Variants in PREP observed in about 807,000 individuals in gnomAD.
PREP encodes the protein dJ355L5.1 (prolyl endopeptidase).
In PREP, 29 loss-of-function variants were observed where a neutral mutation model predicts 87.6. The ratio of observed to expected loss-of-function variants is 0.33; its 90% CI spans 0.25 to 0.45. The LOEUF is 0.45. Ranked by LOEUF, PREP falls within the 20% of genes least tolerant of loss-of-function variation. PREP has a pLI of 1.00. For missense variants in PREP, 695 were observed against 886.5 expected (o/e 0.78, Z 2.74); for synonymous variants, 337 against 328.6 (o/e 1.03, Z -0.28).
At chr6:105,283,563 G>GAA (rs1231333242) in intron 12 of PREP, among the ~76,000 whole-genome samples, 2 of 152,194 alleles carry the variant, frequency 1.3e-5, no homozygotes, top group Non-Finnish European at 2.9e-5. Flanking sequence ...AGTGAATTTA[G>GAA]AACAGCTAGG....
intron 10 of PREP, among the ~76,000 whole-genome samples, chr6:105,292,138 T>C (rs2114618668): frequency 6.6e-6 from 1 of 152,326 alleles, no homozygotes; most frequent in South Asian, 2.1e-4. Context: ...TTAATGCAGA[T>C]ATTCTGACCT....
chr6:105,356,924 C>T (rs1772114639), intron 6 of PREP, among the ~76,000 whole-genome samples: 1 of 152,124 alleles, frequency 6.6e-6, no homozygotes, highest in Non-Finnish European at 1.5e-5. Flanking sequence ...ATTCCATATC[C>T]ACTAATTTTT....
intron 10 of PREP, among the ~76,000 whole-genome samples, chr6:105,306,953 T>C (rs1413634741): frequency 1.3e-5 from 2 of 152,250 alleles, no homozygotes; most frequent in Non-Finnish European, 2.9e-5. Flanking sequence ...CCTTTGCTTT[T>C]GTACAAGCTA....
intron 2 of PREP, among the ~76,000 whole-genome samples, chr6:105,393,949 T>G (rs1002969161): frequency 1.3e-5 from 2 of 152,122 alleles, no homozygotes; most frequent in Non-Finnish European, 2.9e-5. Flanking sequence ...ACTAAGTGTT[T>G]GAAATCCAGC....
At chr6:105,291,607 A>G (rs1357535114) in intron 10 of PREP, among the ~76,000 whole-genome samples, 1 of 152,128 alleles carries the variant, frequency 6.6e-6, no homozygotes, top group Non-Finnish European at 1.5e-5. Flanking sequence ...GCCCTCAAAC[A>G]TCGGACTCCA....
chr6:105,288,674 A>G, intron 11 of PREP, 84 bp downstream of exon 11: 1 of 1,528,754 alleles, frequency 6.5e-7, no homozygotes, highest in Non-Finnish European at 8.9e-7. Flanking sequence ...TATTTTAGAA[A>G]GTTGATTTAG....
chr6:105,382,916 T>C (rs1159135433), intron 2 of PREP, among the ~76,000 whole-genome samples: 1 of 152,226 alleles, frequency 6.6e-6, no homozygotes, highest in Non-Finnish European at 1.5e-5. Context: ...GTTAAGCAAC[T>C]ATCAGGGGCT....
chr6:105,315,409 G>T (rs1770841022), intron 10 of PREP, among the ~76,000 whole-genome samples: 1 of 152,150 alleles, frequency 6.6e-6, no homozygotes, highest in Admixed American at 6.5e-5. Flanking sequence ...TGGCCCGAGA[G>T]TTCCTACTGC....
At chr6:105,382,635 T>C (rs1405539941) in intron 2 of PREP, among the ~76,000 whole-genome samples, 1 of 147,594 alleles carries the variant, frequency 6.8e-6, no homozygotes. Flanking sequence ...ATGTGCACCA[T>C]GGTGATTAAC....
intron 6 of PREP, among the ~76,000 whole-genome samples, chr6:105,358,298 ACT>A (rs1348197002): frequency 6.6e-6 from 1 of 151,918 alleles, no homozygotes; most frequent in Non-Finnish European, 1.5e-5. Flanking sequence ...CAAGGTTAAA[ACT>A]CTTTACCATT....
At position 105,328,887 on chromosome 6, in the gene PREP, G is replaced by A. The variant is rs2114652947; in HGVS notation, c.1155C>T (p.Tyr385=). ...TTTCAGTGTCCTTCTTCTGACCGCT[G>A]TACCCTACAATGCTGCCGACATCGA... ...FPLDVGSIVG[Y]SGQKKDTEIF... is the part of the protein sequence containing the mutation. Residue 385 remains tyrosine (Y), a synonymous_variant, in exon 9 of 15, where the codon TAC becomes TAT. Transcript: ENST00000652536. The A allele has an allele frequency of 6.2e-7, 1 of 1,614,160 alleles. No homozygotes were observed. Among genetic ancestry groups the A allele is most frequent in the African/African-American group, 1.3e-5 (1 of 75,036 alleles).
chr6:105,369,064 A>G (rs775760291), intron 5 of PREP, 40 bp from the exon 6 acceptor site: 4 of 1,602,782 alleles, frequency 2.5e-6, no homozygotes, highest in Non-Finnish European at 3.4e-6. Flanking sequence ...GTACTTGATA[A>G]TTTTAAGAAA....
At chr6:105,294,448 T>C (rs1770364779) in intron 10 of PREP, among the ~76,000 whole-genome samples, 4 of 152,218 alleles carry the variant, frequency 2.6e-5, no homozygotes, top group Admixed American at 6.5e-5. Context: ...TCCTGTGATT[T>C]CCCTCAGTGA....
intron 8 of PREP, among the ~76,000 whole-genome samples, chr6:105,330,845 C>A (rs1220649081): frequency 6.6e-6 from 1 of 152,156 alleles, no homozygotes; most frequent in East Asian, 1.9e-4. Context: ...ACTTTGTTTT[C>A]TCAAGTGAGG....
intron 9 of PREP, among the ~76,000 whole-genome samples, chr6:105,328,092 C>T (rs921934950): frequency 2.6e-5 from 4 of 152,146 alleles, no homozygotes; most frequent in Non-Finnish European, 5.9e-5. Flanking sequence ...TAAGACTATA[C>T]TTTTAGAATT....
In PREP at chr6:105,373,352, C is replaced by T. The variant is rs1215671789; in HGVS notation, c.595+17G>A. ...TCATTTTGTGAAAAATGTGCTTCAT[C>T]TGAAGTCTTCACTCACCATCACTTT... On this transcript the variant is annotated intron_variant, in intron 5 of 14. Transcript: ENST00000652536. 2.5e-6 allele frequency: 4 copies of T among 1,611,200 alleles called. No homozygotes were observed. The highest frequency in any genetic ancestry group is 2.5e-6 in the Non-Finnish European group (3 of 1,177,486).
chr6:105,291,275 A>C (rs1319292222), intron 10 of PREP, among the ~76,000 whole-genome samples: 1 of 152,218 alleles, frequency 6.6e-6, no homozygotes, highest in Non-Finnish European at 1.5e-5. Flanking sequence ...TGAAGATACC[A>C]ATGAAGTATG....
At chr6:105,318,337 A>G (rs1583052225) in intron 10 of PREP, among the ~76,000 whole-genome samples, 1 of 152,162 alleles carries the variant, frequency 6.6e-6, no homozygotes, top group African/African-American at 2.4e-5. Flanking sequence ...CATTCACCAT[A>G]TCATAGGTTA....
chr6:105,328,022 C>G (rs1355697932), intron 9 of PREP, among the ~76,000 whole-genome samples: 2 of 152,158 alleles, frequency 1.3e-5, no homozygotes, highest in African/African-American at 4.8e-5. Flanking sequence ...TGTAAAACCA[C>G]AACTTAACAA....
Sources: allele counts gnomAD v4.1 joint callset (sites outside exome capture counted in the v4.1 genomes callset), GRCh38; gene constraint gnomAD v4.1.1; transcripts MANE v1.5; gene names NCBI Gene and HGNC (gene_info 2026-07-23, HGNC 2026-07-21).